PARL: variants seen among roughly 807,000 people sequenced by gnomAD.
PARL encodes the protein presenilin associated rhomboid like.
In PARL, 44 loss-of-function variants were observed where a neutral mutation model predicts 51.6. That is an observed-to-expected ratio of 0.85 (90% CI 0.67 to 1.10). PARL has a LOEUF of 1.10. Ranked by LOEUF, PARL falls within the 50% of genes least tolerant of loss-of-function variation. PARL has a pLI of 0.00. For synonymous variants in PARL, 172 were observed against 164.0 expected (o/e 1.05, Z -0.37); for missense variants, 441 against 469.5 (o/e 0.94, Z 0.56).
intron 4 of PARL, 67 bp from the exon 5 acceptor site, chr3:183,844,393 C>A (rs1729708170): frequency 2.0e-6 from 2 of 979,134 alleles, no homozygotes; most frequent in African/African-American, 1.6e-5. Context: ...ATCTACATTA[C>A]CCCCTTGTAA....
chr3:183,829,772 G>A, intron 9 of PARL, 63 bp from the exon 10 acceptor site: 1 of 1,296,122 alleles, frequency 7.7e-7, no homozygotes, highest in Non-Finnish European at 1.1e-6. Context: ...TAAGTAGCAT[G>A]GTGACAGATC....
rs376264917 is a variant in PARL, at chr3:183,829,300, G to A, written c.*298C>T. 44 of 799,796 alleles carry A rather than the reference G, an allele frequency of 5.5e-5. No homozygotes were observed. The highest frequency in any genetic ancestry group is 7.5e-5 in the Non-Finnish European group (42 of 561,882). The allele number at this position is 799,796 out of a possible 1,614,324, so 49.5% of individuals were successfully genotyped here. A position where few individuals can be genotyped will look rare whatever the true frequency, so the allele number is the denominator to read the frequency against. ...TCATGTTCTGATCAGGCCTTTCAGG[G>A]TGCACTCTCCCCAGGTCCTGTCAAT... On this transcript the variant is annotated 3_prime_UTR_variant, in exon 10 of 10. Transcript: ENST00000317096.
At chr3:183,878,296 C>T (rs541592141) in intron 1 of PARL, among the ~76,000 whole-genome samples, 78 of 152,314 alleles carry the variant, frequency 5.1e-4, no homozygotes, top group African/African-American at 1.8e-3. Flanking sequence ...CTGAGGCCGA[C>T]TCTGGACCTT....
rs1349160332 is a variant in PARL, at chr3:183,833,749, G to A, written c.905C>T (p.Pro302Leu). The A allele has an allele frequency of 8.1e-6, 13 of 1,610,980 alleles. No individual in the cohort carries two copies. The highest frequency in any genetic ancestry group is 1.1e-5 in the Non-Finnish European group (13 of 1,177,272). The change falls in exon 8 of 10, where the codon CCG becomes CTG. Residue 302 changes from proline to leucine, a missense_variant. Coordinates refer to ENST00000317096, the MANE Select transcript of PARL (RefSeq NM_018622.7). ...PEGRLAIIFL[P>L]MFTFTAGNAL... Reference sequence around the variant, plus strand: ...ATTCCCTGCTGTGAACGTGAACATCGGAAGGAAAATAATGGCAAGCCTCCC... The same window carrying A: ...ATTCCCTGCTGTGAACGTGAACATCAGAAGGAAAATAATGGCAAGCCTCCC...
intron 4 of PARL, among the ~76,000 whole-genome samples, chr3:183,846,981 A>G (rs1730030652): frequency 6.6e-6 from 1 of 152,220 alleles, no homozygotes; most frequent in South Asian, 2.1e-4. Flanking sequence ...ATGGGTAGCC[A>G]GGAGGATTTA....
intron 4 of PARL, among the ~76,000 whole-genome samples, chr3:183,849,911 A>T (rs1730368907): frequency 6.6e-6 from 1 of 152,248 alleles, no homozygotes; most frequent in Non-Finnish European, 1.5e-5. Context: ...ATGAACAATT[A>T]TATACCAACA....
chr3:183,884,721 C>T lies in PARL; in HGVS notation c.125+1G>A. ...GAAGACCAGAGCGCGGCGGCTATTA[C>T]CTGCGTCCGAGGAGCTGCGGCGGGG... On this transcript the variant is annotated splice_donor_variant, in intron 1 of 9. Coordinates refer to ENST00000317096, the MANE Select transcript of PARL (RefSeq NM_018622.7). LOFTEE classifies it high-confidence loss of function. The T allele has an allele frequency of 6.3e-7, 1 of 1,589,274 alleles. No individual in the cohort carries two copies. Among genetic ancestry groups the T allele is most frequent in the Non-Finnish European group, 8.5e-7 (1 of 1,170,396 alleles).
rs768066980 is a variant in PARL at position 183,842,446 on chromosome 3, C to G, written c.609G>C (p.Lys203Asn). 1 of 1,611,682 alleles carries G rather than the reference C, an allele frequency of 6.2e-7. No homozygotes were observed. Among genetic ancestry groups the G allele is most frequent in the African/African-American group, 1.3e-5 (1 of 74,878 alleles). ...ACAGCAACATTGGAGAACAAAGGACCTCTACAAGAGAGAGAAACATAGTCT... is the reference window on the plus strand; with the variant it reads ...ACAGCAACATTGGAGAACAAAGGACGTCTACAAGAGAGAGAAACATAGTCT... ...IRYFTSNPAS[K>N]VLCSPMLLST... The change falls in exon 6 of 10, where the codon AAG becomes AAC. Residue 203 changes from lysine (K) to asparagine (N), a missense_variant and splice_region_variant. By Grantham distance (94) the Lys-to-Asn change is moderately conservative (BLOSUM62 0). Coordinates refer to ENST00000317096, the MANE Select transcript of PARL (RefSeq NM_018622.7).
At chr3:183,882,468 C>A (rs1378817797) in intron 1 of PARL, among the ~76,000 whole-genome samples, 2 of 150,512 alleles carry the variant, frequency 1.3e-5, no homozygotes, top group East Asian at 3.9e-4. Context: ...TATAAACTTT[C>A]CATACAAACG....
At chr3:183,832,994 A>C (rs1482729329) in intron 9 of PARL, among the ~76,000 whole-genome samples, 1 of 152,248 alleles carries the variant, frequency 6.6e-6, no homozygotes, top group Admixed American at 6.5e-5. Flanking sequence ...GTGCCTGCAT[A>C]CAGCGGGTAC....
chr3:183,879,985 CCTCCCAAAGTG>C (rs1451937942), intron 1 of PARL, among the ~76,000 whole-genome samples: 7 of 151,484 alleles, frequency 4.6e-5, no homozygotes, highest in Non-Finnish European at 1.0e-4. Flanking sequence ...CCTGCCTCGG[CCTCCCAAAGTG>C]CTCCCAAAGG....
intron 1 of PARL, among the ~76,000 whole-genome samples, chr3:183,871,747 G>A (rs1323244999): frequency 6.6e-6 from 1 of 152,130 alleles, no homozygotes; most frequent in Non-Finnish European, 1.5e-5. Context: ...AGGAGCAAGA[G>A]GAAACTTGCT....
At chr3:183,881,725 T>G (rs889697607) in intron 1 of PARL, among the ~76,000 whole-genome samples, 2 of 152,158 alleles carry the variant, frequency 1.3e-5, no homozygotes, top group African/African-American at 4.8e-5. Flanking sequence ...GCCACTGCAC[T>G]TCAACCTAGG....
chr3:183,864,031 T>C (rs181358725), intron 3 of PARL, among the ~76,000 whole-genome samples: 22 of 152,372 alleles, frequency 1.4e-4, no homozygotes, highest in Non-Finnish European at 3.1e-4. Flanking sequence ...GCTGGAAACC[T>C]ATAGCTTTGT....
intron 1 of PARL, among the ~76,000 whole-genome samples, chr3:183,882,264 TATA>T: frequency 2.8e-5 from 1 of 35,360 alleles, no homozygotes; most frequent in East Asian, 6.4e-4. Flanking sequence ...TATATATATA[TATA>T]TTTATATATA....
intron 7 of PARL, 27 bp downstream of exon 7, chr3:183,840,543 A>G: frequency 8.7e-7 from 1 of 1,147,942 alleles, no homozygotes; most frequent in Non-Finnish European, 1.3e-6. Context: ...AATTAAATTA[A>G]AAAAAATTTA....
At chr3:183,839,397 TAAA>T (rs925699927) in intron 7 of PARL, among the ~76,000 whole-genome samples, 4 of 152,134 alleles carry the variant, frequency 2.6e-5, no homozygotes, top group African/African-American at 9.7e-5. Context: ...AAAAGACACT[TAAA>T]AAAATTTTTT....
At chr3:183,853,310 C>T (rs1478492925) in intron 4 of PARL, among the ~76,000 whole-genome samples, 1 of 152,072 alleles carries the variant, frequency 6.6e-6, no homozygotes. Context: ...TGCCTGTAAA[C>T]CCAGCACTTT....
intron 1 of PARL, among the ~76,000 whole-genome samples, chr3:183,880,207 C>T (rs575461727): frequency 1.3e-5 from 2 of 152,138 alleles, no homozygotes; most frequent in African/African-American, 2.4e-5. Context: ...AGTGAAGCGC[C>T]GCAATAAAAT....
Sources: allele counts gnomAD v4.1 joint callset (sites outside exome capture counted in the v4.1 genomes callset), GRCh38; gene constraint gnomAD v4.1.1; transcripts MANE v1.5; gene names NCBI Gene and HGNC (gene_info 2026-07-23, HGNC 2026-07-21).